Variants in STAG1 observed in about 807,000 individuals in gnomAD.
The protein encoded by STAG1 is cohesin subunit SA-1.
Under a neutral mutation model 170.9 loss-of-function variants are expected in STAG1, and 26 were observed. The ratio of observed to expected loss-of-function variants is 0.15; its 90% CI spans 0.11 to 0.21. The LOEUF (loss-of-function observed/expected upper bound fraction) is 0.21, where lower values mean the gene tolerates loss of function less well. Among genes scored for constraint, STAG1 ranks in the 10% least tolerant of loss-of-function variants. The pLI is 1.00. For missense variants in STAG1, 964 were observed against 1,509.5 expected (o/e 0.64, Z 5.99); for synonymous variants, 514 against 497.7 (o/e 1.03, Z -0.44).
chr3:136,490,420 C>A (rs1198368820), intron 9 of STAG1, among the ~76,000 whole-genome samples: 1 of 152,142 alleles, frequency 6.6e-6, no homozygotes, highest in Non-Finnish European at 1.5e-5. Context: ...TAAGTAAAAA[C>A]AGTGGCAAAA....
At chr3:136,627,672 C>T (rs1410873289) in intron 2 of STAG1, among the ~76,000 whole-genome samples, 1 of 152,078 alleles carries the variant, frequency 6.6e-6, no homozygotes, top group Non-Finnish European at 1.5e-5. Flanking sequence ...AATGACAGGT[C>T]AAGGGGTATG....
intron 21 of STAG1, among the ~76,000 whole-genome samples, chr3:136,413,606 G>A (rs2107714900): frequency 6.6e-6 from 1 of 152,110 alleles, no homozygotes; most frequent in East Asian, 1.9e-4. Flanking sequence ...TTACAGACAT[G>A]TGCCACCATG....
intron 1 of STAG1, among the ~76,000 whole-genome samples, chr3:136,664,533 C>G (rs1941687842): frequency 6.6e-6 from 1 of 152,182 alleles, no homozygotes; most frequent in Non-Finnish European, 1.5e-5. Flanking sequence ...GTTTCTCAAC[C>G]TTTCTTCCTA....
At chr3:136,600,858 G>T (rs112085949) in intron 4 of STAG1, among the ~76,000 whole-genome samples, 102 of 102,396 alleles carry the variant, frequency 1.0e-3, no homozygotes, top group African/African-American at 4.2e-3. Flanking sequence ...TCTTGTTGTT[G>T]TTTGTTTGTT....
intron 1 of STAG1, among the ~76,000 whole-genome samples, chr3:136,637,483 A>G (rs1940613560): frequency 6.6e-6 from 1 of 152,228 alleles, no homozygotes; most frequent in African/African-American, 2.4e-5. Flanking sequence ...AGGTTAGATC[A>G]TTATTCTGCT....
At chr3:136,425,612 C>G (rs1353642207) in intron 16 of STAG1, among the ~76,000 whole-genome samples, 1 of 151,442 alleles carries the variant, frequency 6.6e-6, no homozygotes, top group Non-Finnish European at 1.5e-5. Flanking sequence ...CTCATAAATT[C>G]AAAGAGGTAA....
intron 1 of STAG1, among the ~76,000 whole-genome samples, chr3:136,670,328 T>C (rs899772745): frequency 5.9e-5 from 9 of 152,334 alleles, no homozygotes; most frequent in Non-Finnish European, 8.8e-5. Flanking sequence ...CATAATTAAG[T>C]GATTTTAAAA....
At chr3:136,644,436 G>A (rs1424520074) in intron 1 of STAG1, among the ~76,000 whole-genome samples, 4 of 152,158 alleles carry the variant, frequency 2.6e-5, no homozygotes, top group African/African-American at 9.7e-5. Context: ...CTCCAGGGAT[G>A]CCTCTGATCA....
chr3:136,593,595 C>A (rs1249523551), intron 4 of STAG1, among the ~76,000 whole-genome samples: 1 of 152,118 alleles, frequency 6.6e-6, no homozygotes, highest in Non-Finnish European at 1.5e-5. Flanking sequence ...TCACAATCCA[C>A]CAGTCCCCAT....
chr3:136,733,749 A>C (rs557909107), intron 1 of STAG1, among the ~76,000 whole-genome samples: 1 of 152,352 alleles, frequency 6.6e-6, no homozygotes, highest in African/African-American at 2.4e-5. Flanking sequence ...AATTTAGGCT[A>C]TAAGAATAAA....
intron 1 of STAG1, among the ~76,000 whole-genome samples, chr3:136,666,820 TA>T (rs754138930): frequency 4.0e-3 from 523 of 132,384 alleles, no homozygotes; most frequent in Middle Eastern, 0.011. Flanking sequence ...ACTCTGTCTT[TA>T]AAAAAAAAAA....
In STAG1 at chr3:136,338,089, T is replaced by C; in HGVS notation, c.*165A>G. ...TTCACCAACATTCCCTTGGGTAATT[T>C]ACATGCTCCTCTTCTGTCACTGCAA... is the stretch of plus-strand genomic sequence containing the variant. On this transcript the variant is annotated 3_prime_UTR_variant, in exon 34 of 34. Coordinates refer to ENST00000383202, the MANE Select transcript of STAG1 (RefSeq NM_005862.3). The C allele has an allele frequency of 1.7e-6, 1 of 584,168 alleles. No homozygotes were observed. Among genetic ancestry groups the C allele is most frequent in the Non-Finnish European group, 3.1e-6 (1 of 325,994 alleles). The allele number at this position is 584,168 out of a possible 1,614,324, so 36.2% of individuals were successfully genotyped here.
intron 22 of STAG1, among the ~76,000 whole-genome samples, chr3:136,397,402 G>A (rs2087196054): frequency 6.6e-6 from 1 of 151,844 alleles, no homozygotes; most frequent in South Asian, 2.1e-4. Context: ...TTAGGTGGTT[G>A]GGGATTACCA....
intron 7 of STAG1, among the ~76,000 whole-genome samples, chr3:136,511,442 T>C (rs1250306824): frequency 2.0e-5 from 3 of 152,202 alleles, no homozygotes; most frequent in Non-Finnish European, 4.4e-5. Context: ...GTGGTACATA[T>C]ACACCATGGA....
intron 21 of STAG1, among the ~76,000 whole-genome samples, chr3:136,403,770 T>C (rs1443663740): frequency 3.3e-5 from 5 of 152,180 alleles, no homozygotes; most frequent in East Asian, 1.9e-4. Context: ...GGCTGTTTCA[T>C]AGTTTTAAAG....
At chr3:136,627,479 T>C (rs1576685508) in intron 2 of STAG1, among the ~76,000 whole-genome samples, 2 of 152,314 alleles carry the variant, frequency 1.3e-5, no homozygotes, top group South Asian at 2.1e-4. Context: ...TCCATATAAA[T>C]ATTTTAGATT....
At chr3:136,520,771 T>C (rs1287708564) in intron 7 of STAG1, among the ~76,000 whole-genome samples, 1 of 152,152 alleles carries the variant, frequency 6.6e-6, no homozygotes, top group Non-Finnish European at 1.5e-5. Flanking sequence ...GAAGAATGTT[T>C]GTTACCCTAA....
At chr3:136,739,191 T>C (rs1934516018) in intron 1 of STAG1, among the ~76,000 whole-genome samples, 1 of 152,276 alleles carries the variant, frequency 6.6e-6, no homozygotes, top group East Asian at 1.9e-4. Context: ...TATCATTTAC[T>C]AGCTGTTTGG....
Position 136,338,218 on chromosome 3 carries a change from T to C in STAG1, c.*36A>G. ...CAGTATATAGGCCTCTAGCTCTAAA[T>C]AATAGAGTTCCAGATTTGTAAATTT... On this transcript the variant is annotated 3_prime_UTR_variant, in exon 34 of 34. Coordinates refer to ENST00000383202, the MANE Select transcript of STAG1 (RefSeq NM_005862.3). 6.6e-7 allele frequency: 1 copy of C among 1,504,588 alleles called. No homozygotes were observed. The highest frequency in any genetic ancestry group is 1.1e-5 in the South Asian group (1 of 88,016). The allele number at this position is 1,504,588 out of a possible 1,614,324, so 93.2% of individuals were successfully genotyped here.
Sources: allele counts gnomAD v4.1 joint callset (sites outside exome capture counted in the v4.1 genomes callset), GRCh38; gene constraint gnomAD v4.1.1; transcripts MANE v1.5; gene names NCBI Gene and HGNC (gene_info 2026-07-23, HGNC 2026-07-21).